The following HAO1 variants were observed in gnomAD, a reference collection of about 807,000 sequenced individuals.
HAO1 encodes 2-Hydroxyacid oxidase 1.
Under a neutral mutation model 39.7 loss-of-function variants are expected in HAO1, and 34 were observed. The ratio of observed to expected loss-of-function variants is 0.86; its 90% CI spans 0.65 to 1.14. The LOEUF is 1.14. Among genes scored for constraint, HAO1 ranks in the 50% most tolerant of loss-of-function variants. The probability of loss-of-function intolerance (pLI) is 0.00; values close to 1 mark genes in which losing one functional copy is unlikely to be tolerated. For synonymous variants in HAO1, 172 were observed against 173.2 expected (o/e 0.99, Z 0.05); for missense variants, 479 against 464.5 (o/e 1.03, Z -0.29).
chr20:7,891,003 A>G (rs1477989313), intron 5 of HAO1, among the ~76,000 whole-genome samples: 2 of 152,170 alleles, frequency 1.3e-5, no homozygotes, highest in Non-Finnish European at 2.9e-5. Flanking sequence ...TGCTTCTATA[A>G]ATATGTGTGT....
At chr20:7,926,568 T>C (rs79494722) in intron 2 of HAO1, among the ~76,000 whole-genome samples, 22 of 152,302 alleles carry the variant, frequency 1.4e-4, no homozygotes, top group African/African-American at 5.1e-4. Flanking sequence ...CTTTCACTCA[T>C]TGTTAAGGTT....
At chr20:7,907,159 C>G (rs1452653843) in intron 3 of HAO1, among the ~76,000 whole-genome samples, 2 of 152,114 alleles carry the variant, frequency 1.3e-5, no homozygotes, top group South Asian at 4.1e-4. Context: ...TTCCCTCCCC[C>G]TTTTAGTTGT....
At chr20:7,907,354 C>T (rs1054900129) in intron 3 of HAO1, among the ~76,000 whole-genome samples, 1 of 152,050 alleles carries the variant, frequency 6.6e-6, no homozygotes, top group African/African-American at 2.4e-5. Context: ...AGTGTAAATA[C>T]CCCAGCTCCC....
chr20:7,903,858 C>CGGTGGT (rs10585629), intron 4 of HAO1, among the ~76,000 whole-genome samples: 230 of 57,612 alleles, frequency 4.0e-3, no homozygotes, highest in Non-Finnish European at 6.5e-3. Context: ...ATTGTGGTAG[C>CGGTGGT]GGTGGTGGTG....
intron 2 of HAO1, among the ~76,000 whole-genome samples, chr20:7,917,673 A>G (rs1453656946): frequency 6.6e-6 from 1 of 152,168 alleles, no homozygotes; most frequent in Admixed American, 6.5e-5. Context: ...TCTGGCAGAG[A>G]AAATCACTCA....
At chr20:7,914,104 C>T in intron 3 of HAO1, 60 bp downstream of exon 3, 9 of 1,592,342 alleles carry the variant, frequency 5.7e-6, no homozygotes, top group Non-Finnish European at 7.7e-6. Flanking sequence ...AACCCAGACC[C>T]TAACATTCCC....
chr20:7,923,108 A>C (rs1174076351), intron 2 of HAO1, among the ~76,000 whole-genome samples: 1 of 152,114 alleles, frequency 6.6e-6, no homozygotes, highest in East Asian at 1.9e-4. Context: ...GGGTTGGCTA[A>C]ATTTCCTATA....
At chr20:7,938,038 G>A (rs990697750) in intron 1 of HAO1, among the ~76,000 whole-genome samples, 2 of 152,166 alleles carry the variant, frequency 1.3e-5, no homozygotes, top group African/African-American at 2.4e-5. Context: ...TTGTACTTGC[G>A]AGATGGGGAG....
At chr20:7,905,909 A>T (rs529424544) in intron 4 of HAO1, among the ~76,000 whole-genome samples, 5 of 152,340 alleles carry the variant, frequency 3.3e-5, no homozygotes, top group African/African-American at 1.2e-4. Context: ...GAAATAAGGC[A>T]ATAGCATCCC....
intron 4 of HAO1, among the ~76,000 whole-genome samples, chr20:7,895,434 C>A (rs758476074): frequency 6.6e-6 from 1 of 152,004 alleles, no homozygotes; most frequent in East Asian, 1.9e-4. Context: ...TTACTACTTA[C>A]GGCAATTTAA....
At chr20:7,913,833 C>T (rs933244637) in intron 3 of HAO1, among the ~76,000 whole-genome samples, 1 of 152,144 alleles carries the variant, frequency 6.6e-6, no homozygotes, top group Non-Finnish European at 1.5e-5. Context: ...GTAAAGGTGG[C>T]TCTTTGACTT....
At chr20:7,923,603 T>C (rs1248181157) in intron 2 of HAO1, among the ~76,000 whole-genome samples, 1 of 152,124 alleles carries the variant, frequency 6.6e-6, no homozygotes, top group African/African-American at 2.4e-5. Context: ...GGGAACAATA[T>C]CCATCTACAT....
intron 4 of HAO1, among the ~76,000 whole-genome samples, chr20:7,896,422 T>C (rs1300526759): frequency 6.6e-6 from 1 of 152,180 alleles, no homozygotes; most frequent in Non-Finnish European, 1.5e-5. Context: ...ATGGGCAGAC[T>C]TGACTAAGAA....
intron 2 of HAO1, among the ~76,000 whole-genome samples, chr20:7,920,377 CA>C (rs748441618): frequency 2.4e-4 from 36 of 152,132 alleles, no homozygotes; most frequent in Non-Finnish European, 4.7e-4. Flanking sequence ...TTCCTTATAG[CA>C]GTGTGAAAGT....
At chr20:7,893,319 G>A (rs923111729) in intron 5 of HAO1, among the ~76,000 whole-genome samples, 10 of 152,168 alleles carry the variant, frequency 6.6e-5, no homozygotes, top group Admixed American at 2.6e-4. Flanking sequence ...AACTTTGGGA[G>A]AAACTTAGTT....
At position 7,934,506 on chromosome 20, in the gene HAO1, G is replaced by T. The variant is rs138052675; in HGVS notation, c.267C>A (p.Asp89Glu). The change falls in exon 2 of 8, where the codon GAC (aspartate) becomes GAA (glutamate). Residue 89 changes from aspartate (D) to glutamate (E), a missense_variant. Transcript: ENST00000378789. Reference protein sequence around the residue: ...ATAMQRMAHVDGELATVRACQ... With the variant: ...ATAMQRMAHVEGELATVRACQ... The stretch of plus-strand genomic sequence containing the variant: ...TACCTCTCACAGTGGCAAGCTCGCC[G>T]TCCACATGAGCCATGCGCTGCATGG... 7.4e-6 allele frequency: 12 copies of T among 1,611,030 alleles called. No homozygotes were observed. In the African/African-American group the frequency reaches 1.6e-4, roughly 22 times the overall value.
chr20:7,928,545 T>C (rs1047445776), intron 2 of HAO1, among the ~76,000 whole-genome samples: 3 of 152,050 alleles, frequency 2.0e-5, no homozygotes, highest in Non-Finnish European at 4.4e-5. Flanking sequence ...AACTTTTCTT[T>C]TGAACACCAA....
In HAO1 at chr20:7,914,253, G is replaced by C; in HGVS notation, c.456C>G (p.Tyr152Ter). ...TGTCCACTGTCACAAATATGGCCTT[G>C]TAGCCCATCTTCTCTGCCTGCCGCA... is the stretch of plus-strand genomic sequence containing the variant. ...KLVRQAEKMG[Y>*]KAIFVTVDTP... is the part of the protein sequence containing the mutation. Residue 152 changes from tyrosine (Y) to a stop codon, truncating the protein, a stop_gained, in exon 3 of 8, where the codon TAC becomes TAG. Coordinates refer to ENST00000378789, the MANE Select transcript of HAO1 (RefSeq NM_017545.3). LOFTEE classifies it high-confidence loss of function. 1 of 1,614,000 alleles carries C rather than the reference G, an allele frequency of 6.2e-7. No homozygotes were observed. The highest frequency in any genetic ancestry group is 1.1e-5 in the South Asian group (1 of 91,084).
chr20:7,924,679 C>A (rs1473919676), intron 2 of HAO1, among the ~76,000 whole-genome samples: 3 of 152,144 alleles, frequency 2.0e-5, no homozygotes, highest in East Asian at 3.9e-4. Flanking sequence ...CAAATAATTT[C>A]TTTGAAAATA....
Sources: gnomAD v4.1 joint callset for allele counts (sites outside exome capture counted in the v4.1 genomes callset) on GRCh38, gnomAD v4.1.1 for gene constraint, MANE v1.5 for transcripts, NCBI Gene and HGNC (gene_info 2026-07-23, HGNC 2026-07-21) for gene names.